Variants in CHCHD6 observed in about 807,000 individuals in gnomAD.
CHCHD6 encodes MICOS complex subunit MIC25.
CHCHD6 carries 28 observed loss-of-function variants against 32.3 expected under a neutral mutation model. The observed-to-expected ratio is 0.87, with a 90% CI of 0.64 to 1.19. The LOEUF (loss-of-function observed/expected upper bound fraction) is 1.19. Ranked by LOEUF, CHCHD6 falls within the 50% of genes most tolerant of loss-of-function variation. The probability of loss-of-function intolerance (pLI) is 0.00; values close to 1 mark genes in which losing one functional copy is unlikely to be tolerated. For missense variants in CHCHD6, 333 were observed against 307.0 expected (o/e 1.08, Z -0.63); for synonymous variants, 122 against 117.5 (o/e 1.04, Z -0.25).
intron 6 of CHCHD6, among the ~76,000 whole-genome samples, chr3:126,917,696 T>C (rs999049151): frequency 1.3e-5 from 2 of 152,222 alleles, no homozygotes; most frequent in African/African-American, 2.4e-5. Context: ...ACTCCCAATG[T>C]GACGATATTA....
At chr3:126,776,206 A>G (rs999880211) in intron 4 of CHCHD6, among the ~76,000 whole-genome samples, 5 of 152,166 alleles carry the variant, frequency 3.3e-5, no homozygotes, top group Admixed American at 1.3e-4. Flanking sequence ...TAGTGTGAAC[A>G]TTGTTTTTGG....
At chr3:126,820,579 T>C (rs1940107082) in intron 4 of CHCHD6, among the ~76,000 whole-genome samples, 1 of 152,242 alleles carries the variant, frequency 6.6e-6, no homozygotes, top group African/African-American at 2.4e-5. Flanking sequence ...CGTATAGTAT[T>C]TCCTTGCCTG....
At chr3:126,959,307 G>A (rs2078828789) in intron 7 of CHCHD6, among the ~76,000 whole-genome samples, 2 of 152,266 alleles carry the variant, frequency 1.3e-5, no homozygotes, top group Non-Finnish European at 2.9e-5. Context: ...CAGTGCCAGA[G>A]GCCTGCCTGC....
At chr3:126,829,317 T>TTTGGTG (rs1940537220) in intron 4 of CHCHD6, among the ~76,000 whole-genome samples, 1 of 151,948 alleles carries the variant, frequency 6.6e-6, no homozygotes. Flanking sequence ...ATCTCTAGCC[T>TTTGGTG]CCCAATGTGG....
In CHCHD6 at chr3:126,727,166, A is replaced by C; in HGVS notation, c.176A>C (p.Asn59Thr). Residue 59 changes from asparagine (N) to threonine (T), a missense_variant, in exon 2 of 8, where the codon AAC becomes ACC. Coordinates refer to ENST00000290913, the MANE Select transcript of CHCHD6 (RefSeq NM_032343.3). Reference protein sequence around the residue: ...TSSTFGLQDGNLRAPHKESTL... With the variant: ...TSSTFGLQDGTLRAPHKESTL... ...TCTACCTTTGGCCTTCAAGATGGCA[A>C]CTTGAGAGCCCCTCACAAAGGTATG... The C allele has an allele frequency of 6.2e-7, 1 of 1,611,082 alleles. No homozygotes were observed. The highest frequency in any genetic ancestry group is 1.1e-5 in the South Asian group (1 of 91,012).
intron 4 of CHCHD6, among the ~76,000 whole-genome samples, chr3:126,787,733 G>A (rs1938295378): frequency 6.6e-6 from 1 of 152,140 alleles, no homozygotes; most frequent in African/African-American, 2.4e-5. Context: ...GGGCTGAGAC[G>A]ATGGGGTTTT....
At chr3:126,765,832 A>T (rs1010912694) in intron 4 of CHCHD6, among the ~76,000 whole-genome samples, 1 of 152,210 alleles carries the variant, frequency 6.6e-6, no homozygotes, top group Non-Finnish European at 1.5e-5. Flanking sequence ...CAGACTCCCA[A>T]TCCCCCTCCA....
intron 5 of CHCHD6, among the ~76,000 whole-genome samples, chr3:126,907,419 T>G (rs536393301): frequency 6.6e-4 from 101 of 152,382 alleles, no homozygotes; most frequent in Middle Eastern, 3.4e-3. Flanking sequence ...TGTAGCTGAC[T>G]GCATGTCCTG....
chr3:126,764,660 C>T (rs1268916879), intron 4 of CHCHD6, among the ~76,000 whole-genome samples: 4 of 152,154 alleles, frequency 2.6e-5, no homozygotes, highest in Admixed American at 2.0e-4. Flanking sequence ...ACTTCGGGTG[C>T]TGCGTCCTCA....
At chr3:126,849,504 C>T (rs1407812327) in intron 4 of CHCHD6, among the ~76,000 whole-genome samples, 2 of 152,186 alleles carry the variant, frequency 1.3e-5, no homozygotes, top group Non-Finnish European at 2.9e-5. Context: ...GGTCCTTGAC[C>T]AAATCATGCA....
intron 6 of CHCHD6, among the ~76,000 whole-genome samples, chr3:126,952,506 G>C (rs532036030): frequency 6.6e-6 from 1 of 152,276 alleles, no homozygotes; most frequent in Non-Finnish European, 1.5e-5. Flanking sequence ...GAGGCCCAGG[G>C]TCCAGCAGAA....
At chr3:126,707,165 G>C (rs915581410) in intron 1 of CHCHD6, among the ~76,000 whole-genome samples, 1 of 151,986 alleles carries the variant, frequency 6.6e-6, no homozygotes, top group African/African-American at 2.4e-5. Context: ...TACTTGGGAG[G>C]CTGAGGTAGG....
At chr3:126,737,390 GTATATATA>G (rs60896630) in intron 4 of CHCHD6, among the ~76,000 whole-genome samples, 20 of 132,632 alleles carry the variant, frequency 1.5e-4, no homozygotes, top group East Asian at 1.2e-3. Context: ...TGATGTGTGA[GTATATATA>G]TATATATATA....
intron 5 of CHCHD6, among the ~76,000 whole-genome samples, chr3:126,908,836 A>T (rs2078042253): frequency 6.6e-6 from 1 of 152,240 alleles, no homozygotes; most frequent in Non-Finnish European, 1.5e-5. Flanking sequence ...AACTGCAGAA[A>T]GGAGGTTCTG....
At chr3:126,865,006 T>C (rs1942216374) in intron 5 of CHCHD6, among the ~76,000 whole-genome samples, 3 of 143,064 alleles carry the variant, frequency 2.1e-5, no homozygotes, top group Admixed American at 2.1e-4. Context: ...CTTTTCTTCC[T>C]CCACCACCAC....
Position 126,726,977 on chromosome 3 carries a change from C to T in CHCHD6, c.88-101C>T, listed in dbSNP as rs1308777790. ...TTTGTTGGAGTTGGTCTTGAGGAAG[C>T]AGCGCATTCAGTAAATCTGGGGCCT... On this transcript the variant is annotated intron_variant, in intron 1 of 7. Transcript: ENST00000290913. 3.8e-6 allele frequency: 3 copies of T among 782,684 alleles called. No homozygotes were observed. The Admixed American group carries it at 6.3e-5, about 17-fold the overall frequency. 48.5% of individuals were successfully genotyped at this position (782,684 alleles called of 1,614,324 possible).
At chr3:126,933,945 A>G (rs1214075276) in intron 6 of CHCHD6, among the ~76,000 whole-genome samples, 1 of 152,164 alleles carries the variant, frequency 6.6e-6, no homozygotes, top group Admixed American at 6.5e-5. Context: ...GCATGCATTC[A>G]TGCACTCTCA....
At chr3:126,832,741 C>CA (rs1940695569) in intron 4 of CHCHD6, among the ~76,000 whole-genome samples, 1 of 152,138 alleles carries the variant, frequency 6.6e-6, no homozygotes, top group South Asian at 2.1e-4. Context: ...AAACAGGACT[C>CA]AAGTAATGCC....
intron 5 of CHCHD6, among the ~76,000 whole-genome samples, chr3:126,877,188 G>A (rs1214837360): frequency 6.6e-6 from 1 of 152,208 alleles, no homozygotes; most frequent in Non-Finnish European, 1.5e-5. Context: ...ATGGGGATGG[G>A]ATGGGACTTC....
Sources: gnomAD v4.1 joint callset for allele counts (sites outside exome capture counted in the v4.1 genomes callset) on GRCh38, gnomAD v4.1.1 for gene constraint, MANE v1.5 for transcripts, NCBI Gene and HGNC (gene_info 2026-07-23, HGNC 2026-07-21) for gene names.